Variants in APBA2 observed in about 807,000 individuals in gnomAD.
The protein encoded by APBA2 is amyloid-beta A4 precursor protein-binding family A member 2.
Under a neutral mutation model 75.0 loss-of-function variants are expected in APBA2, and 30 were observed. The ratio of observed to expected loss-of-function variants is 0.40; its 90% CI spans 0.30 to 0.54. APBA2 has a LOEUF of 0.54. Among genes scored for constraint, APBA2 ranks in the 20% least tolerant of loss-of-function variants. APBA2 has a pLI of 0.49. For missense variants in APBA2, 801 were observed against 1,016.1 expected (o/e 0.79, Z 2.88); for synonymous variants, 444 against 409.6 (o/e 1.08, Z -1.01).
intron 11 of APBA2, among the ~76,000 whole-genome samples, chr15:29,105,933 T>G (rs528357789): frequency 6.6e-6 from 1 of 152,332 alleles, no homozygotes; most frequent in South Asian, 2.1e-4. Flanking sequence ...CCTTAGCTGG[T>G]CCCAGTGGCT....
intron 2 of APBA2, among the ~76,000 whole-genome samples, chr15:28,956,130 G>T (rs2036155692): frequency 6.6e-6 from 1 of 152,170 alleles, no homozygotes; most frequent in Admixed American, 6.5e-5. Flanking sequence ...AGAGAATGTG[G>T]TTGGTTACCA....
chr15:28,984,055 G>A (rs1029520951), intron 2 of APBA2, among the ~76,000 whole-genome samples: 1 of 152,194 alleles, frequency 6.6e-6, no homozygotes, highest in Non-Finnish European at 1.5e-5. Flanking sequence ...TTGGTGTGAG[G>A]CGTGCCCTCG....
intron 10 of APBA2, among the ~76,000 whole-genome samples, chr15:29,103,132 G>C (rs562179946): frequency 6.6e-6 from 1 of 152,370 alleles, no homozygotes; most frequent in East Asian, 1.9e-4. Flanking sequence ...ATGGGCCACA[G>C]GTACTGGCGG....
At chr15:29,052,711 G>A (rs1202929076) in intron 3 of APBA2, among the ~76,000 whole-genome samples, 1 of 152,162 alleles carries the variant, frequency 6.6e-6, no homozygotes, top group Non-Finnish European at 1.5e-5. Flanking sequence ...CCTAAGACTG[G>A]TTGATTATAA....
intron 14 of APBA2, among the ~76,000 whole-genome samples, chr15:29,115,858 G>C (rs1362734630): frequency 1.3e-5 from 2 of 152,186 alleles, no homozygotes; most frequent in Non-Finnish European, 2.9e-5. Flanking sequence ...TTTCTGGGCT[G>C]CTCAGCCCAG....
At chr15:29,072,730 G>GCC (rs1264073162) in intron 4 of APBA2, among the ~76,000 whole-genome samples, 1 of 152,236 alleles carries the variant, frequency 6.6e-6, no homozygotes, top group East Asian at 1.9e-4. Context: ...ACAAACCAGA[G>GCC]CCGGGCCTTT....
intron 1 of APBA2, among the ~76,000 whole-genome samples, chr15:28,908,551 C>T (rs1367079808): frequency 2.0e-5 from 3 of 151,982 alleles, no homozygotes; most frequent in African/African-American, 7.3e-5. Context: ...CCTCGTGATC[C>T]ACCCGCCTCC....
chr15:28,889,549 G>T (rs1472858264), intron 1 of APBA2, among the ~76,000 whole-genome samples: 4 of 152,160 alleles, frequency 2.6e-5, no homozygotes, highest in Admixed American at 6.5e-5. Context: ...CCTCCAGGCT[G>T]CCCTGGCTCC....
intron 4 of APBA2, among the ~76,000 whole-genome samples, chr15:29,057,815 G>A (rs1265426844): frequency 6.6e-6 from 1 of 152,152 alleles, no homozygotes; most frequent in African/African-American, 2.4e-5. Flanking sequence ...TACAAACCAT[G>A]TTTTCCTTCT....
rs146924233 is a variant in APBA2 at position 29,054,769 on chromosome 15, C to T, written c.885C>T (p.Asp295=). The T allele has an allele frequency of 2.5e-6, 4 of 1,605,924 alleles. No individual in the cohort carries two copies. The highest frequency in any genetic ancestry group is 3.4e-6 in the Non-Finnish European group (4 of 1,179,956). The change falls in exon 4 of 15, where the codon GAC becomes GAT. Residue 295 remains aspartate, a synonymous_variant. Transcript: ENST00000683413. This position sits in a 1 kb window ranked among gnomAD's most constrained non-coding sequence, Gnocchi z 6.1. The stretch of plus-strand genomic sequence containing the variant: ...TTCCCGAGGCCAAGCACCCCGGAGA[C>T]CCCCAGAGAGGCTTCAAGCCCAAGA... The part of the protein sequence containing the change: ...NLLPEAKHPG[D]PQRGFKPKTR...
chr15:28,908,098 G>T (rs1595433256), intron 1 of APBA2, among the ~76,000 whole-genome samples: 1 of 152,156 alleles, frequency 6.6e-6, no homozygotes, highest in Non-Finnish European at 1.5e-5. Context: ...GGACCCTGGG[G>T]TTTTCCCGAG....
chr15:28,956,993 T>C (rs2036203838), intron 2 of APBA2, among the ~76,000 whole-genome samples: 1 of 152,232 alleles, frequency 6.6e-6, no homozygotes, highest in African/African-American at 2.4e-5. Flanking sequence ...CTTGGGTTGC[T>C]TTTACCTCTT....
rs1395959205 is a variant in APBA2, at chr15:29,117,479, G to C, written c.*346G>C. ...TCCCTGAAGCTGTGCGGAGCGAACT[G>C]GCGCCTCCGAGGGACGCGGCTCCCG... On this transcript the variant is annotated 3_prime_UTR_variant, in exon 15 of 15. Transcript: ENST00000683413. 3.0e-6 allele frequency: 1 copy of C among 333,694 alleles called. No homozygotes were observed. Among genetic ancestry groups the C allele is most frequent in the African/African-American group, 2.1e-5 (1 of 46,690 alleles). 20.7% of individuals were successfully genotyped at this position (333,694 alleles called of 1,614,324 possible).
chr15:29,030,426 C>T (rs991978912), intron 3 of APBA2, among the ~76,000 whole-genome samples: 1 of 151,950 alleles, frequency 6.6e-6, no homozygotes, highest in Admixed American at 6.6e-5. Context: ...GGCCCCACTG[C>T]ACTCTAGCCT....
chr15:29,041,852 G>C (rs1258296403), intron 3 of APBA2, among the ~76,000 whole-genome samples: 1 of 152,126 alleles, frequency 6.6e-6, no homozygotes, highest in East Asian at 1.9e-4. Context: ...GATTACATGC[G>C]GGAGAATTTC....
rs527678544 is a variant in APBA2, at chr15:29,051,392, T to C, written c.-40-2453T>C. On this transcript the variant is annotated intron_variant, in intron 3 of 14. Transcript: ENST00000683413. The stretch of plus-strand genomic sequence containing the variant: ...GACATCTTTGCTGTCTGTGGGCCAC[T>C]CTAGGGGGAGTGCTGTGAATTGCTC... Among the ~76,000 whole-genome samples, 296 of 152,272 alleles carry C rather than the reference T, an allele frequency of 1.9e-3. 1 individual carries two copies. The highest frequency in any genetic ancestry group is 3.7e-3 in the Non-Finnish European group (251 of 68,022).
intron 3 of APBA2, among the ~76,000 whole-genome samples, chr15:29,030,188 G>C (rs1401745025): frequency 6.6e-6 from 1 of 152,188 alleles, no homozygotes; most frequent in African/African-American, 2.4e-5. Flanking sequence ...GACCGGGCCC[G>C]GTGGCTCACG....
intron 7 of APBA2, 57 bp from the exon 8 acceptor site, chr15:29,094,221 A>G: frequency 6.3e-7 from 1 of 1,587,046 alleles, no homozygotes; most frequent in Non-Finnish European, 8.7e-7. Context: ...ACATAACCTC[A>G]CGCACCTTCC....
At chr15:29,057,542 C>T (rs1031847763) in intron 4 of APBA2, among the ~76,000 whole-genome samples, 2 of 152,198 alleles carry the variant, frequency 1.3e-5, no homozygotes, top group Non-Finnish European at 2.9e-5. Flanking sequence ...CTTTTCAGAC[C>T]ATAGCATTGA....
Sources: allele counts gnomAD v4.1 joint callset (sites outside exome capture counted in the v4.1 genomes callset), GRCh38; gene constraint gnomAD v4.1.1; non-coding constraint Gnocchi (gnomAD v3.1); transcripts MANE v1.5; gene names NCBI Gene and HGNC (gene_info 2026-07-23, HGNC 2026-07-21).